NLRP1: variants seen among roughly 807,000 people sequenced by gnomAD.
NLRP1 encodes NACHT, LRR and PYD domains-containing protein 1.
In NLRP1, 94 loss-of-function variants were observed where a neutral mutation model predicts 136.7. The observed-to-expected ratio is 0.69, with a 90% CI of 0.58 to 0.82. The LOEUF (loss-of-function observed/expected upper bound fraction) is 0.82. NLRP1 is among the 40% of genes least tolerant of loss of function. The pLI, the probability that NLRP1 is intolerant of heterozygous loss-of-function variation, is 0.00. For synonymous variants in NLRP1, 690 were observed against 725.1 expected (o/e 0.95, Z 0.78); for missense variants, 1,575 against 1,802.7 (o/e 0.87, Z 2.29).
chr17:5,559,630 G>A lies in NLRP1; in HGVS notation c.1066C>T (p.Leu356=), dbSNP rs1438387244. Residue 356 remains leucine (L), a synonymous_variant, in exon 4 of 17, where the codon CTG becomes TTG. Coordinates refer to ENST00000572272, the MANE Select transcript of NLRP1 (RefSeq NM_033004.4). ...ACATGCTGGAAGCGGTCCCCATACAGCTGGCCTCTCCCCCAGGCTTCCTTC... is the reference window on the plus strand; with the variant it reads ...ACATGCTGGAAGCGGTCCCCATACAACTGGCCTCTCCCCCAGGCTTCCTTC... ...QVKEAWGRGQ[L]YGDRFQHVFY... The A allele has an allele frequency of 6.2e-7, 1 of 1,614,252 alleles. No homozygotes were observed. The highest frequency in any genetic ancestry group is 8.5e-7 in the Non-Finnish European group (1 of 1,180,052).
chr17:5,579,888 C>A (rs1457822355), intron 3 of NLRP1, among the ~76,000 whole-genome samples: 1 of 152,076 alleles, frequency 6.6e-6, no homozygotes, highest in African/African-American at 2.4e-5. Flanking sequence ...ATAAAAGGAA[C>A]AATAGACACT....
chr17:5,573,784 A>G (rs1904692832), intron 3 of NLRP1, among the ~76,000 whole-genome samples: 1 of 152,260 alleles, frequency 6.6e-6, no homozygotes, highest in Admixed American at 6.5e-5. Flanking sequence ...ACTAACAAAC[A>G]TAAAGGACAT....
At position 5,553,489 on chromosome 17, in the gene NLRP1, T is replaced by C; in HGVS notation, c.2425A>G (p.Asn809Asp). The change falls in exon 5 of 17, where the codon AAC (asparagine) becomes GAC (aspartate). Residue 809 changes from asparagine (N) to aspartate (D), a missense_variant. Coordinates refer to ENST00000572272, the MANE Select transcript of NLRP1 (RefSeq NM_033004.4). ...CCACTTAGGTCCAGCTCCTTCAGGT[T>C]TCTGGTGACCTTGAGGACGGAGAAG... is the stretch of plus-strand genomic sequence containing the variant. ...ILFSVLKVTR[N>D]LKELDLSGNS... 1 of 1,614,162 alleles carries C rather than the reference T, an allele frequency of 6.2e-7. No homozygotes were observed. Among genetic ancestry groups the C allele is most frequent in the South Asian group, 1.1e-5 (1 of 91,088 alleles).
intron 14 of NLRP1, among the ~76,000 whole-genome samples, chr17:5,520,440 T>G (rs1833730871): frequency 6.6e-6 from 1 of 152,186 alleles, no homozygotes; most frequent in Non-Finnish European, 1.5e-5. Context: ...AAATCTTCGT[T>G]TCCTTAGATC....
At chr17:5,531,181 T>TA (rs1316404849) in intron 11 of NLRP1, among the ~76,000 whole-genome samples, 4 of 118,488 alleles carry the variant, frequency 3.4e-5, no homozygotes, top group African/African-American at 1.5e-4. Context: ...CTAATCTATC[T>TA]ATCTATCTAT....
intron 5 of NLRP1, among the ~76,000 whole-genome samples, chr17:5,542,260 A>T (rs1911967563): frequency 6.6e-6 from 1 of 150,596 alleles, no homozygotes; most frequent in South Asian, 2.5e-4. Flanking sequence ...TTCCCACATT[A>T]CTCAGAATAC....
chr17:5,558,435 C>A lies in NLRP1; in HGVS notation c.2261G>T (p.Cys754Phe). 6.2e-7 allele frequency: 1 copy of A among 1,613,752 alleles called. No individual in the cohort carries two copies. The highest frequency in any genetic ancestry group is 8.5e-7 in the Non-Finnish European group (1 of 1,179,916). The change falls in exon 4 of 17, where the codon TGC (cysteine) becomes TTC (phenylalanine). Residue 754 changes from cysteine (C) to phenylalanine (F), a missense_variant. By Grantham distance (205) the Cys-to-Phe change is radical (BLOSUM62 -2). Transcript: ENST00000572272. ...CVETDMELLV[C>F]TFCIKFSRHV... ...GCGGCTGAATTTAATGCAGAAAGTGCACACTAAGAGCTCCATGTCTGTTTC... is the reference window on the plus strand; with the variant it reads ...GCGGCTGAATTTAATGCAGAAAGTGAACACTAAGAGCTCCATGTCTGTTTC...
chr17:5,532,735 G>C lies in NLRP1; in HGVS notation c.3296+87C>G, dbSNP rs575761587. On this transcript the variant is annotated intron_variant, in intron 11 of 16. Coordinates refer to ENST00000572272, the MANE Select transcript of NLRP1 (RefSeq NM_033004.4). ...AGTGGTGAGTGTGAGTTGGGGGTAG[G>C]GGGTGGCGCTGACTGTCTGTGGGGA... 210 of 1,213,134 alleles carry C rather than the reference G, an allele frequency of 1.7e-4. 1 individual carries two copies. The South Asian group carries it at 3.2e-3, about 18-fold the overall frequency. 75.1% of individuals were successfully genotyped at this position (1,213,134 alleles called of 1,614,324 possible). A position where few individuals can be genotyped will look rare whatever the true frequency, so the allele number is the denominator to read the frequency against.
At chr17:5,551,899 A>G (rs1246165595) in intron 5 of NLRP1, among the ~76,000 whole-genome samples, 1 of 152,132 alleles carries the variant, frequency 6.6e-6, no homozygotes, top group Admixed American at 6.5e-5. Flanking sequence ...CCTCCTAAGT[A>G]GTTATGACAA....
At chr17:5,572,189 G>A in intron 3 of NLRP1, among the ~76,000 whole-genome samples, 1 of 152,104 alleles carries the variant, frequency 6.6e-6, no homozygotes, top group East Asian at 1.9e-4. Flanking sequence ...ATAGGTCCTG[G>A]CAAAAATTTC....
In NLRP1 at chr17:5,520,953, C is replaced by T. The variant is rs758580200; in HGVS notation, c.3843G>A (p.Leu1281=). ...AACGACAGCCCATATAAAGTGGGGT[C>T]AGCGGGGGTGGCTTGTGGATTCGCA... ...QFVRIHKPPP[L]TPLYMGCRYT... is the part of the protein sequence containing the mutation. Residue 1281 remains leucine, a synonymous_variant, in exon 14 of 17, where the codon CTG becomes CTA. Transcript: ENST00000572272. 2 of 1,612,266 alleles carry T rather than the reference C, an allele frequency of 1.2e-6. No homozygotes were observed. The highest frequency in any genetic ancestry group is 1.7e-6 in the Non-Finnish European group (2 of 1,179,180).
chr17:5,583,979 G>A lies in NLRP1; in HGVS notation c.-22C>T, dbSNP rs1405446560. The A allele has an allele frequency of 6.2e-7, 1 of 1,601,006 alleles. No homozygotes were observed. The highest frequency in any genetic ancestry group is 8.5e-7 in the Non-Finnish European group (1 of 1,173,200). ...CCATCTCTGTCCCGGAGTTAAGAGG[G>A]TGTCTGGGGGATGTTCCCAGGTGGT... On this transcript the variant is annotated 5_prime_UTR_variant, in exon 1 of 17. Transcript: ENST00000572272. The surrounding 1 kb of genome is among the most constrained non-coding windows in gnomAD (Gnocchi z 4.5).
chr17:5,523,676 G>A (rs1481160325), intron 12 of NLRP1, among the ~76,000 whole-genome samples: 1 of 152,168 alleles, frequency 6.6e-6, no homozygotes, highest in Non-Finnish European at 1.5e-5. Context: ...GGGATCAGAG[G>A]TCCCAGCTCC....
At chr17:5,512,842 T>C (rs1907733241), downstream of NLRP1, among the ~76,000 whole-genome samples, 1 of 152,240 alleles carries the variant, frequency 6.6e-6, no homozygotes, top group Admixed American at 6.5e-5. Context: ...CAGGAGTCCC[T>C]TTCATTGCCA....
At chr17:5,570,675 C>T (rs1010610142) in intron 3 of NLRP1, among the ~76,000 whole-genome samples, 13 of 151,976 alleles carry the variant, frequency 8.6e-5, no homozygotes, top group Admixed American at 2.0e-4. Context: ...AAGAAGAGCT[C>T]GTACAATTTC....
intron 8 of NLRP1, among the ~76,000 whole-genome samples, chr17:5,535,362 G>C (rs1443677170): frequency 2.6e-5 from 4 of 152,186 alleles, no homozygotes; most frequent in Non-Finnish European, 4.4e-5. Flanking sequence ...ACCACAGTTT[G>C]AGTAGCTGCT....
In NLRP1 at chr17:5,559,984, C is replaced by T; in HGVS notation, c.712G>A (p.Val238Ile). The stretch of plus-strand genomic sequence containing the variant: ...GTGTGCGCCTGTGGGGGCGTTCCTA[C>T]CACCGCTGCCCATGGGGGCCTGCCT... ...EKGRPPWAAV[V>I]GTPPQAHTSL... Residue 238 changes from valine (V) to isoleucine (I), a missense_variant, in exon 4 of 17, where the codon GTA becomes ATA. Val to Ile is a conservative substitution (Grantham distance 29). Transcript: ENST00000572272. 1 of 1,606,338 alleles carries T rather than the reference C, an allele frequency of 6.2e-7. No homozygotes were observed. Among genetic ancestry groups the T allele is most frequent in the Non-Finnish European group, 8.5e-7 (1 of 1,176,622 alleles).
intron 7 of NLRP1, among the ~76,000 whole-genome samples, chr17:5,538,763 G>T (rs1376777621): frequency 6.6e-6 from 1 of 152,222 alleles, no homozygotes; most frequent in Non-Finnish European, 1.5e-5. Flanking sequence ...ATGAAGCGCT[G>T]CCCTGGAGTG....
At chr17:5,543,529 G>A (rs1912145438) in intron 5 of NLRP1, among the ~76,000 whole-genome samples, 1 of 152,126 alleles carries the variant, frequency 6.6e-6, no homozygotes, top group South Asian at 2.1e-4. Context: ...ATGAGCCCAT[G>A]AAAGTTCCTG....
Sources: gnomAD v4.1 joint callset for allele counts (sites outside exome capture counted in the v4.1 genomes callset) on GRCh38, gnomAD v4.1.1 for gene constraint, Gnocchi (gnomAD v3.1) non-coding constraint, MANE v1.5 for transcripts, NCBI Gene and HGNC (gene_info 2026-07-23, HGNC 2026-07-21) for gene names.